Variants in MAGI2 observed in about 807,000 individuals in gnomAD.
The protein encoded by MAGI2 is membrane associated guanylate kinase, WW and PDZ domain containing 2, also known as membrane-associated guanylate kinase, WW and PDZ domain-containing protein 2.
A neutral mutation model predicts 133.3 loss-of-function variants in MAGI2; 35 were observed. The ratio of observed to expected loss-of-function variants is 0.26; its 90% confidence interval spans 0.20 to 0.35. MAGI2 has a LOEUF of 0.35. Among genes scored for constraint, MAGI2 ranks in the 10% least tolerant of loss-of-function variants. The pLI is 1.00. For synonymous variants in MAGI2, 729 were observed against 710.6 expected, an observed-to-expected ratio of 1.03 and a Z score of -0.41; for missense variants, 1,636 against 1,863.4, an observed-to-expected ratio of 0.88 and a Z score of 2.25.
intron 1 of MAGI2, among the ~76,000 whole-genome samples, chr7:79,312,281 C>A (rs1467174208): frequency 6.6e-6 from 1 of 152,138 alleles, no homozygotes; most frequent in Non-Finnish European, 1.5e-5. Context: ...AGATGATCTC[C>A]CCACCCACTA....
intron 3 of MAGI2, among the ~76,000 whole-genome samples, chr7:78,555,746 A>G (rs1267609018): frequency 6.6e-6 from 1 of 152,050 alleles, no homozygotes; most frequent in Non-Finnish European, 1.5e-5. Flanking sequence ...AACATTTTTC[A>G]TGGATGGATT....
chr7:79,205,625 A>C (rs898032263), intron 1 of MAGI2, among the ~76,000 whole-genome samples: 76 of 151,982 alleles, frequency 5.0e-4, no homozygotes, highest in Non-Finnish European at 9.0e-4. Context: ...ATAAATTTCT[A>C]AGACTGAAAA....
At chr7:79,385,918 T>A (rs1844147092) in intron 1 of MAGI2, among the ~76,000 whole-genome samples, 1 of 152,008 alleles carries the variant, frequency 6.6e-6, no homozygotes, top group African/African-American at 2.4e-5. Flanking sequence ...ACTCTCTCTA[T>A]GAATCCCATA....
intron 6 of MAGI2, among the ~76,000 whole-genome samples, chr7:78,373,867 G>A (rs1794180662): frequency 6.6e-6 from 1 of 152,064 alleles, no homozygotes; most frequent in African/African-American, 2.4e-5. Context: ...TTCTCTTCCT[G>A]CATTAATTTG....
At chr7:79,193,163 G>T (rs1231915823) in intron 1 of MAGI2, among the ~76,000 whole-genome samples, 1 of 151,926 alleles carries the variant, frequency 6.6e-6, no homozygotes, top group Non-Finnish European at 1.5e-5. Context: ...ACCAGAACTT[G>T]CTTTGAATGC....
chr7:78,503,588 C>CGTCCCCCTCCTCCTT (rs1794828343), intron 4 of MAGI2, among the ~76,000 whole-genome samples: 1 of 81,378 alleles, frequency 1.2e-5, no homozygotes, highest in African/African-American at 5.7e-5. Context: ...CCCTCCTCCT[C>CGTCCCCCTCCTCCTT]CTCCCCCTCC....
intron 1 of MAGI2, among the ~76,000 whole-genome samples, chr7:79,275,246 G>T (rs980863735): frequency 2.0e-5 from 3 of 152,116 alleles, no homozygotes; most frequent in Admixed American, 6.6e-5. Flanking sequence ...AGTTCTTGAA[G>T]AAAATTTAAA....
At chr7:79,060,097 T>G (rs28676868) in intron 1 of MAGI2, among the ~76,000 whole-genome samples, 2 of 152,052 alleles carry the variant, frequency 1.3e-5, no homozygotes, top group African/African-American at 4.8e-5. Context: ...TTTTTTTATC[T>G]TACTGCAAAA....
At chr7:78,777,223 C>A (rs1826055271) in intron 2 of MAGI2, among the ~76,000 whole-genome samples, 1 of 152,088 alleles carries the variant, frequency 6.6e-6, no homozygotes, top group Non-Finnish European at 1.5e-5. Context: ...AACTAACCAG[C>A]CAAAGTATAT....
intron 6 of MAGI2, among the ~76,000 whole-genome samples, chr7:78,441,906 G>A (rs540893668): frequency 6.6e-5 from 10 of 151,812 alleles, no homozygotes; most frequent in Non-Finnish European, 1.2e-4. Context: ...TTTTCCTCTC[G>A]TCCTCCTAGT....
intron 2 of MAGI2, among the ~76,000 whole-genome samples, chr7:78,887,053 T>C (rs1796329473): frequency 6.6e-6 from 1 of 152,184 alleles, no homozygotes; most frequent in South Asian, 2.1e-4. Flanking sequence ...CAGCCATAAT[T>C]GTAAGTTTCG....
intron 2 of MAGI2, among the ~76,000 whole-genome samples, chr7:78,994,951 C>T (rs1005948250): frequency 1.3e-5 from 2 of 151,768 alleles, no homozygotes; most frequent in Admixed American, 6.6e-5. Context: ...AATTTTATAT[C>T]GTTAGAATTT....
chr7:78,753,257 G>A (rs1243324366), intron 2 of MAGI2, among the ~76,000 whole-genome samples: 1 of 151,750 alleles, frequency 6.6e-6, no homozygotes, highest in African/African-American at 2.4e-5. Context: ...AAACAGACAG[G>A]AAATCTCTGA....
intron 3 of MAGI2, among the ~76,000 whole-genome samples, chr7:78,559,176 GAAAA>G (rs1800156104): frequency 4.9e-4 from 2 of 4,088 alleles, no homozygotes; most frequent in Non-Finnish European, 9.7e-4. Flanking sequence ...AAGCCAAAAA[GAAAA>G]GAAAAGAAAA....
chr7:78,209,285 G>A (rs1365823828), intron 10 of MAGI2, among the ~76,000 whole-genome samples: 11 of 132,262 alleles, frequency 8.3e-5, no homozygotes, highest in East Asian at 2.3e-4. Context: ...TTTTTGAGAC[G>A]GAGTCTCGCT....
intron 21 of MAGI2, among the ~76,000 whole-genome samples, chr7:78,069,397 G>A (rs1232903956): frequency 1.3e-5 from 2 of 152,142 alleles, no homozygotes; most frequent in Admixed American, 6.6e-5. Flanking sequence ...CAGAGGGTAT[G>A]TGGAGAGCGA....
At chr7:78,043,644 G>T (rs1811091644) in intron 21 of MAGI2, among the ~76,000 whole-genome samples, 1 of 152,176 alleles carries the variant, frequency 6.6e-6, no homozygotes, top group African/African-American at 2.4e-5. Flanking sequence ...GCGAGTCAAA[G>T]AAATTTTAAC....
chr7:78,484,277 A>G (rs959036734), intron 6 of MAGI2: 5 of 152,012 alleles, frequency 3.3e-5, no homozygotes, highest in African/African-American at 1.2e-4. Flanking sequence ...TATGTATTGT[A>G]AAGCATGGCG....
At chr7:78,533,710 T>C (rs918980007) in intron 3 of MAGI2, among the ~76,000 whole-genome samples, 16 of 152,336 alleles carry the variant, frequency 1.1e-4, no homozygotes, top group African/African-American at 3.6e-4. Context: ...TTAGTAATCA[T>C]TTTTACATTG....
Sources: gnomAD v4.1 joint callset for allele counts (sites outside exome capture counted in the v4.1 genomes callset) on GRCh38, gnomAD v4.1.1 for gene constraint, MANE v1.5 for transcripts, NCBI Gene and HGNC (gene_info 2026-07-23, HGNC 2026-07-21) for gene names.